Variants in NLRP14 observed in about 807,000 individuals in gnomAD.
The protein encoded by NLRP14 is NACHT, LRR and PYD domains-containing protein 14.
Under a neutral mutation model 94.7 loss-of-function variants are expected in NLRP14, and 105 were observed. The ratio of observed to expected loss-of-function variants is 1.11; its 90% CI spans 0.95 to 1.30. The LOEUF (loss-of-function observed/expected upper bound fraction) is 1.30. NLRP14 is among the 50% of genes most tolerant of loss of function. NLRP14 has a pLI of 0.00. For missense variants in NLRP14, 1,362 were observed against 1,254.1 expected, an observed-to-expected ratio of 1.09 and a Z score of -1.30; for synonymous variants, 508 against 459.9, an observed-to-expected ratio of 1.10 and a Z score of -1.34.
chr11:7,062,551 AG>A, intron 10 of NLRP14, 48 bp downstream of exon 10: 7 of 1,512,026 alleles, frequency 4.6e-6, no homozygotes, highest in Non-Finnish European at 6.4e-6. Context: ...TTTGGTAGCT[AG>A]TATAGCTAGA....
intron 1 of NLRP14, among the ~76,000 whole-genome samples, chr11:7,024,129 G>A (rs1428495030): frequency 6.6e-6 from 1 of 152,118 alleles, no homozygotes; most frequent in African/African-American, 2.4e-5. Context: ...TAATAATTTA[G>A]AATTTTCCAA....
the NLRP14 span, among the ~76,000 whole-genome samples, chr11:7,078,977 C>T: frequency 2.3e-4 from 35 of 152,262 alleles, 1 homozygote; most frequent in African/African-American, 7.2e-4. Context: ...ACAGGCACTT[C>T]GTTCTGCTGC....
At chr11:7,060,976 A>G (rs1205353429) in intron 9 of NLRP14, among the ~76,000 whole-genome samples, 1 of 152,080 alleles carries the variant, frequency 6.6e-6, no homozygotes, top group Non-Finnish European at 1.5e-5. Flanking sequence ...GAATCAAAAC[A>G]GAGGCGTCAC....
At chr11:7,033,706 C>A (rs1019703862) in intron 1 of NLRP14, among the ~76,000 whole-genome samples, 1 of 152,162 alleles carries the variant, frequency 6.6e-6, no homozygotes, top group African/African-American at 2.4e-5. Context: ...ATTCTAAGGA[C>A]AAGAGGTTTT....
In NLRP14 at chr11:7,039,726, C is replaced by T. The variant is rs779620972; in HGVS notation, c.302C>T (p.Thr101Ile). ...GAACCTGTTGCAGGGTCGGCCCAGA[C>T]TATAGGACCAGATGATGCCAAGGCT... ...AKEEINWSAQTIGPDDAKAGE... is the reference protein window; with the variant it reads ...AKEEINWSAQIIGPDDAKAGE... The change falls in exon 3 of 12, where the codon ACT becomes ATT. Residue 101 changes from threonine to isoleucine, a missense_variant. Coordinates refer to ENST00000299481, the MANE Select transcript of NLRP14 (RefSeq NM_176822.4). The T allele has an allele frequency of 1.2e-6, 2 of 1,613,760 alleles. No homozygotes were observed. Among genetic ancestry groups the T allele is most frequent in the East Asian group, 2.2e-5 (1 of 44,878 alleles).
chr11:7,038,877 T>C lies in NLRP14; in HGVS notation c.289+2T>C, dbSNP rs1217156211. The C allele has an allele frequency of 6.2e-7, 1 of 1,612,650 alleles. No homozygotes were observed. The highest frequency in any genetic ancestry group is 8.5e-7 in the Non-Finnish European group (1 of 1,179,754). On this transcript the variant is annotated splice_donor_variant, in intron 2 of 11. Coordinates refer to ENST00000299481, the MANE Select transcript of NLRP14 (RefSeq NM_176822.4). LOFTEE classifies it high-confidence loss of function. ...AGAGAGCGAAAGAAGAGATCAACTG[T>C]GAGTGATGCTAGGGGCAAATCGGGG...
chr11:7,025,707 T>C (rs12287453), intron 1 of NLRP14, among the ~76,000 whole-genome samples: 7,236 of 152,136 alleles, frequency 0.048, 332 homozygotes, highest in African/African-American at 0.12. Context: ...GTCAAATAAT[T>C]GAAGGTTAAT....
At chr11:7,049,623 AGG>A (rs777396722) in intron 5 of NLRP14, 46 bp from the exon 6 acceptor site, 1 of 1,306,776 alleles carries the variant, frequency 7.7e-7, no homozygotes. Flanking sequence ...CCTGTAACCA[AGG>A]AGAGAAATGG....
At chr11:7,058,584 A>T (rs1852558603) in intron 8 of NLRP14, 134 bp downstream of exon 8, 2 of 701,508 alleles carry the variant, frequency 2.9e-6, no homozygotes, top group Non-Finnish European at 4.9e-6. Flanking sequence ...TGAAAGTGAT[A>T]TTAATAATTG....
chr11:7,054,450 C>G (rs1340228069), intron 6 of NLRP14, among the ~76,000 whole-genome samples: 1 of 152,112 alleles, frequency 6.6e-6, no homozygotes, highest in African/African-American at 2.4e-5. Flanking sequence ...TCCTTTTTCT[C>G]CACATCCTCA....
At chr11:7,041,113 T>A (rs1032896565) in intron 3 of NLRP14, among the ~76,000 whole-genome samples, 3 of 152,170 alleles carry the variant, frequency 2.0e-5, no homozygotes, top group African/African-American at 7.2e-5. Flanking sequence ...TATCACACTG[T>A]TTGAATTACT....
intron 1 of NLRP14, among the ~76,000 whole-genome samples, chr11:7,021,687 G>A (rs1455695532): frequency 1.3e-5 from 2 of 151,798 alleles, no homozygotes. Flanking sequence ...ACAACGTCCA[G>A]GTCAGGTTTG....
At chr11:7,023,444 T>C (rs953195868) in intron 1 of NLRP14, among the ~76,000 whole-genome samples, 42 of 146,258 alleles carry the variant, frequency 2.9e-4, no homozygotes, top group African/African-American at 9.8e-4. Context: ...ATAAAATTTT[T>C]ATTTTATATA....
rs754908190 is a variant in NLRP14 at position 7,038,632 on chromosome 11, C to T, written c.46C>T (p.Leu16=). ...SSSFFPDFGL[L]LYLEELNKEE... The stretch of plus-strand genomic sequence containing the variant: ...TTCTTTCTTTCCTGATTTTGGGCTG[C>T]TATTGTATTTGGAGGAGCTAAACAA... Residue 16 remains leucine (L), a synonymous_variant, in exon 2 of 12, where the codon CTA becomes TTA. Coordinates refer to ENST00000299481, the MANE Select transcript of NLRP14 (RefSeq NM_176822.4). 1.9e-6 allele frequency: 3 copies of T among 1,613,930 alleles called. No individual in the cohort carries two copies.
chr11:7,090,440 A>T, the NLRP14 span: 1 of 1,133,854 alleles, frequency 8.8e-7, no homozygotes, highest in African/African-American at 1.6e-5. Flanking sequence ...GATCGTCTCC[A>T]TTTTTATGCT....
chr11:7,079,532 ATTAC>A, the NLRP14 span, among the ~76,000 whole-genome samples: 10 of 152,268 alleles, frequency 6.6e-5, no homozygotes, highest in Non-Finnish European at 1.5e-4. Context: ...ACATTAAAAT[ATTAC>A]TTAATAATTT....
intron 6 of NLRP14, among the ~76,000 whole-genome samples, chr11:7,055,811 G>A (rs16921930): frequency 0.045 from 6,867 of 152,192 alleles, 232 homozygotes; most frequent in African/African-American, 0.078. Flanking sequence ...ATAGCAAGCA[G>A]TAAGGACAAC....
In NLRP14 at chr11:7,058,299, A is replaced by G. The variant is rs994621439; in HGVS notation, c.2482A>G (p.Thr828Ala). ...TTTCAGCTTAGAAAGCTGTGGTCTC[A>G]CAGAGGCTGGCTGTGAGTATCTTTC... ...ERLSLESCGL[T>A]EAGCEYLSLA... The change falls in exon 8 of 12, where the codon ACA becomes GCA. Residue 828 changes from threonine to alanine, a missense_variant. Transcript: ENST00000299481. 6.2e-7 allele frequency: 1 copy of G among 1,612,618 alleles called. No individual in the cohort carries two copies. Among genetic ancestry groups the G allele is most frequent in the African/African-American group, 1.3e-5 (1 of 74,946 alleles).
intron 1 of NLRP14, among the ~76,000 whole-genome samples, chr11:7,033,974 G>T (rs970391335): frequency 6.6e-6 from 1 of 152,184 alleles, no homozygotes; most frequent in Admixed American, 6.5e-5. Context: ...GCTGGTAATA[G>T]TAGCCTTGAT....
Sources: allele counts gnomAD v4.1 joint callset (sites outside exome capture counted in the v4.1 genomes callset), GRCh38; gene constraint gnomAD v4.1.1; transcripts MANE v1.5; gene names NCBI Gene and HGNC (gene_info 2026-07-23, HGNC 2026-07-21).